ST18: variants seen among roughly 807,000 people sequenced by gnomAD.
ST18 encodes the protein suppression of tumorigenicity 18 protein.
In ST18, 50 loss-of-function variants were observed where a neutral mutation model predicts 110.0. That is an observed-to-expected ratio of 0.45 (90% CI 0.36 to 0.58). The LOEUF (loss-of-function observed/expected upper bound fraction) is 0.58. Among genes scored for constraint, ST18 ranks in the 20% least tolerant of loss-of-function variants. ST18 has a pLI of 0.00. For synonymous variants in ST18, 461 were observed against 452.4 expected (o/e 1.02, Z -0.24); for missense variants, 1,306 against 1,280.1 (o/e 1.02, Z -0.31).
intron 24 of ST18, among the ~76,000 whole-genome samples, chr8:52,118,029 T>G (rs917686056): frequency 6.6e-6 from 1 of 152,214 alleles, no homozygotes; most frequent in Non-Finnish European, 1.5e-5. Flanking sequence ...ATTCTTACCT[T>G]TCCATCACAT....
rs1035642283 is a variant in ST18, at chr8:52,369,079, G to A, written c.-465+40249C>T. Among the ~76,000 whole-genome samples, 4 of 152,146 alleles carry A rather than the reference G, an allele frequency of 2.6e-5. 1 individual carries two copies. In the East Asian group the frequency reaches 5.8e-4, roughly 22 times the overall value. On this transcript the variant is annotated intron_variant, in intron 2 of 25. Transcript: ENST00000689386. ...AAAGGAAAAACAGATTCTAGTGACCGAAAGCCATATCTGCCAGATATCAAA... is the reference window on the plus strand; with the variant it reads ...AAAGGAAAAACAGATTCTAGTGACCAAAAGCCATATCTGCCAGATATCAAA...
At chr8:52,133,994 G>A (rs891580336) in intron 19 of ST18, among the ~76,000 whole-genome samples, 1 of 152,156 alleles carries the variant, frequency 6.6e-6, no homozygotes, top group Non-Finnish European at 1.5e-5. Flanking sequence ...GCCTCCCAAA[G>A]CTCTGGGATT....
In ST18 at chr8:52,303,967, G is replaced by A. The variant is rs373282685; in HGVS notation, c.-464-73890C>T. ...TGGTAATTTACTATATTGTGATTAC[G>A]TCCTTGCTTGTAGGAATTACTAAAG... On this transcript the variant is annotated intron_variant, in intron 2 of 25. Transcript: ENST00000689386. 2.1e-4 allele frequency among the ~76,000 whole-genome samples: 32 copies of A among 152,222 alleles called. No individual in the cohort carries two copies. In the East Asian group the frequency reaches 2.5e-3, roughly 12 times the overall value.
At chr8:52,136,770 G>GAA in intron 18 of ST18, 112 bp from the exon 19 acceptor site, 1 of 885,772 alleles carries the variant, frequency 1.1e-6, no homozygotes, top group Non-Finnish European at 1.7e-6. Context: ...TGGGGATTGG[G>GAA]AAAAAAAAAT....
intron 2 of ST18, among the ~76,000 whole-genome samples, chr8:52,277,294 T>C (rs2095289984): frequency 6.6e-6 from 1 of 152,216 alleles, no homozygotes; most frequent in South Asian, 2.1e-4. Flanking sequence ...CCACTCCTGC[T>C]CATCTCGACC....
intron 2 of ST18, among the ~76,000 whole-genome samples, chr8:52,358,309 G>A (rs540088949): frequency 1.3e-3 from 192 of 151,980 alleles, no homozygotes; most frequent in African/African-American, 4.3e-3. Flanking sequence ...AAAACCAGGA[G>A]CAAGCTAAAC....
intron 16 of ST18, among the ~76,000 whole-genome samples, chr8:52,149,289 C>T (rs1480387647): frequency 1.3e-5 from 2 of 152,228 alleles, no homozygotes; most frequent in Non-Finnish European, 2.9e-5. Flanking sequence ...GGTATGCTAA[C>T]ACAGTCCCTT....
chr8:52,233,653 G>A (rs566935646), intron 2 of ST18, among the ~76,000 whole-genome samples: 57 of 152,188 alleles, frequency 3.7e-4, no homozygotes, highest in African/African-American at 1.2e-3. Context: ...TGAGAGGTCC[G>A]TACAGTTTAT....
At chr8:52,272,701 T>C (rs2095115940) in intron 2 of ST18, among the ~76,000 whole-genome samples, 1 of 152,180 alleles carries the variant, frequency 6.6e-6, no homozygotes, top group Non-Finnish European at 1.5e-5. Flanking sequence ...TACCATATGA[T>C]CCAGCAATCC....
At chr8:52,386,306 T>G (rs1053777950) in intron 2 of ST18, among the ~76,000 whole-genome samples, 19 of 152,320 alleles carry the variant, frequency 1.2e-4, no homozygotes, top group African/African-American at 4.6e-4. Flanking sequence ...TATCCAACTA[T>G]GTCAAAAATA....
intron 3 of ST18, 195 bp from the exon 4 acceptor site, chr8:52,221,988 C>T (rs1158704913): frequency 6.6e-6 from 1 of 151,928 alleles, no homozygotes; most frequent in African/African-American, 2.4e-5. Flanking sequence ...AGTTCTGAAG[C>T]TTTCCACCTG....
chr8:52,253,053 A>G (rs1431993679), intron 2 of ST18, among the ~76,000 whole-genome samples: 2 of 151,072 alleles, frequency 1.3e-5, no homozygotes, highest in Middle Eastern at 3.2e-3. Flanking sequence ...TTTTTAGTGT[A>G]TTGGATTTTG....
intron 17 of ST18, among the ~76,000 whole-genome samples, chr8:52,142,497 G>T (rs1025159256): frequency 2.0e-5 from 3 of 152,048 alleles, no homozygotes; most frequent in Admixed American, 6.6e-5. Context: ...TCATTCACCC[G>T]CTAGTACATA....
chr8:52,331,955 T>G (rs1589981617), intron 2 of ST18, among the ~76,000 whole-genome samples: 1 of 152,150 alleles, frequency 6.6e-6, no homozygotes, highest in Non-Finnish European at 1.5e-5. Context: ...TTAATAAAAG[T>G]CAAGCAATTT....
At chr8:52,130,784 G>T (rs75990488) in intron 22 of ST18, among the ~76,000 whole-genome samples, 3 of 152,062 alleles carry the variant, frequency 2.0e-5, no homozygotes, top group Non-Finnish European at 4.4e-5. Flanking sequence ...CTTCATTATT[G>T]CTAACTGAGG....
intron 14 of ST18, among the ~76,000 whole-genome samples, chr8:52,159,491 A>C (rs2060870328): frequency 6.6e-6 from 1 of 152,156 alleles, no homozygotes; most frequent in Non-Finnish European, 1.5e-5. Flanking sequence ...CCATTGGAAA[A>C]CTGCATATAT....
At position 52,131,874 on chromosome 8, in the gene ST18, G is replaced by A. The variant is rs1033625095; in HGVS notation, c.2666+84C>T. On this transcript the variant is annotated intron_variant, in intron 22 of 25. Transcript: ENST00000689386. ...CTGCTACAGTGAACAACCTTTAGGG[G>A]GTTGTTCACAACCCTCTCCCCAAGG... 3.8e-6 allele frequency: 5 copies of A among 1,298,984 alleles called. No individual in the cohort carries two copies. The African/African-American group carries it at 7.3e-5, about 19-fold the overall frequency. The allele number at this position is 1,298,984 out of a possible 1,614,324, so 80.5% of individuals were successfully genotyped here.
intron 2 of ST18, among the ~76,000 whole-genome samples, chr8:52,295,710 C>CTTTTTTTTTTTTTTTT: frequency 7.6e-6 from 1 of 130,846 alleles, no homozygotes. Context: ...TCTTTTTTTC[C>CTTTTTTTTTTTTTTTT]TTTTTTTTTT....
At chr8:52,278,063 C>A (rs187107915) in intron 2 of ST18, among the ~76,000 whole-genome samples, 506 of 152,172 alleles carry the variant, frequency 3.3e-3, no homozygotes, top group Middle Eastern at 0.017. Flanking sequence ...GACAGAACTT[C>A]CTAGCTGATA....
Sources: allele counts gnomAD v4.1 joint callset (sites outside exome capture counted in the v4.1 genomes callset), GRCh38; gene constraint gnomAD v4.1.1; transcripts MANE v1.5; gene names NCBI Gene and HGNC (gene_info 2026-07-23, HGNC 2026-07-21).